The following SLIT2 variants were observed in gnomAD, a reference collection of about 807,000 sequenced individuals.
The protein encoded by SLIT2 is slit guidance ligand 2.
A neutral mutation model predicts 185.7 loss-of-function variants in SLIT2; 41 were observed. That is an observed-to-expected ratio of 0.22 (90% confidence interval 0.17 to 0.29). SLIT2 has a LOEUF of 0.29. SLIT2 is among the 10% of genes least tolerant of loss of function. The pLI, the probability that SLIT2 is intolerant of heterozygous loss-of-function variation, is 1.00. For missense variants in SLIT2, 1,571 were observed against 1,909.0 expected (o/e 0.82, Z 3.30); for synonymous variants, 693 against 680.2 (o/e 1.02, Z -0.29).
intron 21 of SLIT2, among the ~76,000 whole-genome samples, chr4:20,544,575 G>A (rs897278435): frequency 6.6e-6 from 1 of 152,032 alleles, no homozygotes; most frequent in African/African-American, 2.4e-5. Flanking sequence ...TTACCCCCTG[G>A]AGAGCTTATT....
intron 4 of SLIT2, among the ~76,000 whole-genome samples, chr4:20,328,837 GA>G (rs1228743117): frequency 6.6e-6 from 1 of 151,992 alleles, no homozygotes; most frequent in Non-Finnish European, 1.5e-5. Context: ...GCTGGGCCTT[GA>G]ACTGAAAATG....
intron 11 of SLIT2, among the ~76,000 whole-genome samples, chr4:20,515,258 A>G (rs1403651173): frequency 6.6e-6 from 1 of 152,204 alleles, no homozygotes; most frequent in Non-Finnish European, 1.5e-5. Flanking sequence ...ACATCAAGAA[A>G]TAATATGTAT....
At chr4:20,485,929 A>G (rs1227409101) in intron 6 of SLIT2, among the ~76,000 whole-genome samples, 1 of 152,212 alleles carries the variant, frequency 6.6e-6, no homozygotes, top group Non-Finnish European at 1.5e-5. Flanking sequence ...TGCATGCACA[A>G]GGTACATAAA....
intron 4 of SLIT2, among the ~76,000 whole-genome samples, chr4:20,411,071 G>A (rs913375994): frequency 1.3e-5 from 2 of 152,018 alleles, no homozygotes; most frequent in African/African-American, 4.8e-5. Flanking sequence ...TTGTTTGTTT[G>A]TTTCATCTCT....
At chr4:20,469,751 C>CTTTTTT (rs33912349) in intron 5 of SLIT2, among the ~76,000 whole-genome samples, 18 of 90,744 alleles carry the variant, frequency 2.0e-4, no homozygotes, top group East Asian at 9.3e-4. Flanking sequence ...TTAGTTTTTA[C>CTTTTTT]TTTTTTTTTT....
intron 4 of SLIT2, among the ~76,000 whole-genome samples, chr4:20,420,956 C>T (rs1728128719): frequency 6.6e-6 from 1 of 152,118 alleles, no homozygotes; most frequent in African/African-American, 2.4e-5. Flanking sequence ...TTCTTAGCCT[C>T]CAGAACTATG....
intron 29 of SLIT2, among the ~76,000 whole-genome samples, chr4:20,583,803 C>T (rs970770411): frequency 2.0e-4 from 30 of 150,622 alleles, no homozygotes; most frequent in African/African-American, 7.3e-4. Flanking sequence ...AATGAGACTC[C>T]ATCACAAAAA....
chr4:20,452,796 G>A (rs1223106841), intron 4 of SLIT2, among the ~76,000 whole-genome samples: 1 of 152,162 alleles, frequency 6.6e-6, no homozygotes, highest in Non-Finnish European at 1.5e-5. Flanking sequence ...CAGGCAGCCT[G>A]CATTGAGAAG....
intron 12 of SLIT2, among the ~76,000 whole-genome samples, chr4:20,521,801 T>C (rs548120078): frequency 6.6e-6 from 1 of 152,158 alleles, no homozygotes; most frequent in South Asian, 2.1e-4. Flanking sequence ...ATGTAGCACC[T>C]TTAAAAAAAA....
At chr4:20,314,027 T>C (rs1415692369) in intron 4 of SLIT2, among the ~76,000 whole-genome samples, 2 of 152,204 alleles carry the variant, frequency 1.3e-5, no homozygotes, top group African/African-American at 4.8e-5. Context: ...ATAGTTAGAT[T>C]GTTTCTCAAT....
At chr4:20,421,439 T>C (rs977184449) in intron 4 of SLIT2, among the ~76,000 whole-genome samples, 2 of 152,160 alleles carry the variant, frequency 1.3e-5, no homozygotes, top group South Asian at 4.2e-4. Flanking sequence ...ACCATATGTC[T>C]CTTCTTCATT....
intron 4 of SLIT2, among the ~76,000 whole-genome samples, chr4:20,290,556 T>A (rs969903436): frequency 2.0e-4 from 31 of 152,272 alleles, no homozygotes; most frequent in African/African-American, 7.2e-4. Flanking sequence ...CTGGAACCAG[T>A]GTCCCATGGA....
chr4:20,479,136 G>C (rs999194635), intron 5 of SLIT2, among the ~76,000 whole-genome samples: 2 of 152,074 alleles, frequency 1.3e-5, no homozygotes, highest in Non-Finnish European at 2.9e-5. Flanking sequence ...AATAGTGCAC[G>C]TCCTAAATTG....
chr4:20,440,384 A>G (rs1729657345), intron 4 of SLIT2, among the ~76,000 whole-genome samples: 1 of 152,304 alleles, frequency 6.6e-6, no homozygotes, highest in African/African-American at 2.4e-5. Context: ...CTCAAAGAAG[A>G]TATATGGTCT....
Position 20,418,352 on chromosome 4 carries a change from T to C in SLIT2, c.396-49400T>C, listed in dbSNP as rs145015660. Among the ~76,000 whole-genome samples, 14 of 152,312 alleles carry C rather than the reference T, an allele frequency of 9.2e-5. No homozygotes were observed. The East Asian group carries it at 2.5e-3, about 27-fold the overall frequency. ...TTATGTGTAGAAAAAAACACGTGGT[T>C]AATTAAGACTTGCTTTCTGTCATTT... On this transcript the variant is annotated intron_variant, in intron 4 of 36. Coordinates refer to ENST00000504154, the MANE Select transcript of SLIT2 (RefSeq NM_004787.4).
intron 4 of SLIT2, among the ~76,000 whole-genome samples, chr4:20,451,282 C>G (rs1430165419): frequency 1.3e-5 from 2 of 152,174 alleles, no homozygotes; most frequent in Non-Finnish European, 2.9e-5. Flanking sequence ...TAAATAAAAA[C>G]TTTACATTTC....
In SLIT2 at chr4:20,611,196, T is replaced by C. The variant is rs183267772; in HGVS notation, c.3847+1029T>C. On this transcript the variant is annotated intron_variant, in intron 34 of 36. Coordinates refer to ENST00000504154, the MANE Select transcript of SLIT2 (RefSeq NM_004787.4). ...AGATATTTTCATGAGTTTCACATCA[T>C]TTTCTGAAAAATAATAACCTATGCT... 5.3e-5 allele frequency among the ~76,000 whole-genome samples: 8 copies of C among 152,340 alleles called. No homozygotes were observed. The East Asian group carries it at 1.5e-3, about 29-fold the overall frequency.
intron 12 of SLIT2, among the ~76,000 whole-genome samples, chr4:20,520,324 A>G (rs1349422487): frequency 6.6e-6 from 1 of 152,234 alleles, no homozygotes; most frequent in Non-Finnish European, 1.5e-5. Context: ...GCCCATATGA[A>G]AAGTAAAGTT....
rs199987424 is a variant in SLIT2 at position 20,303,698 on chromosome 4, G to T, written c.395+34817G>T. ...TAAGTCAGAGGTAGGATCACCGTCT[G>T]TGTAGACATATGTATGTGGTTTCTT... is the stretch of plus-strand genomic sequence containing the variant. On this transcript the variant is annotated intron_variant, in intron 4 of 36. Transcript: ENST00000504154. 2.6e-5 allele frequency among the ~76,000 whole-genome samples: 4 copies of T among 152,324 alleles called. No individual in the cohort carries two copies. The East Asian group carries it at 7.7e-4, about 29-fold the overall frequency.
Sources: gnomAD v4.1 joint callset for allele counts (sites outside exome capture counted in the v4.1 genomes callset) on GRCh38, gnomAD v4.1.1 for gene constraint, MANE v1.5 for transcripts, NCBI Gene and HGNC (gene_info 2026-07-23, HGNC 2026-07-21) for gene names.